SFMBT1: variants seen among roughly 807,000 people sequenced by gnomAD.
SFMBT1 encodes Scm like with four mbt domains 1.
In SFMBT1, 32 loss-of-function variants were observed where a neutral mutation model predicts 108.7. The observed-to-expected ratio is 0.29, with a 90% CI of 0.22 to 0.40. The LOEUF is 0.40. Among genes scored for constraint, SFMBT1 ranks in the 10% least tolerant of loss-of-function variants. The pLI, the probability that SFMBT1 is intolerant of heterozygous loss-of-function variation, is 1.00. For missense variants in SFMBT1, 816 were observed against 1,059.6 expected, an observed-to-expected ratio of 0.77 and a Z score of 3.19; for synonymous variants, 348 against 369.5, an observed-to-expected ratio of 0.94 and a Z score of 0.67.
At chr3:52,990,672 G>A (rs187865524) in intron 1 of SFMBT1, among the ~76,000 whole-genome samples, 1 of 152,036 alleles carries the variant, frequency 6.6e-6, no homozygotes, top group African/African-American at 2.4e-5. Context: ...AAGAAAGAGA[G>A]GAAAGGGAGG....
intron 5 of SFMBT1, among the ~76,000 whole-genome samples, chr3:52,932,559 T>C (rs1702889904): frequency 6.6e-6 from 1 of 152,212 alleles, no homozygotes; most frequent in Non-Finnish European, 1.5e-5. Context: ...TCTAGGACTA[T>C]GTTATGTAGT....
intron 1 of SFMBT1, among the ~76,000 whole-genome samples, chr3:52,988,804 A>T (rs1197188837): frequency 6.6e-6 from 1 of 152,234 alleles, no homozygotes; most frequent in Non-Finnish European, 1.5e-5. Flanking sequence ...ATCTAAACAG[A>T]CTTATATGCA....
At chr3:53,011,298 C>G (rs1698934991) in intron 1 of SFMBT1, among the ~76,000 whole-genome samples, 1 of 152,108 alleles carries the variant, frequency 6.6e-6, no homozygotes, top group Admixed American at 6.6e-5. Flanking sequence ...AGGCTGGCAT[C>G]AGGCTGGCAT....
At chr3:52,950,009 T>C (rs1029001785) in intron 3 of SFMBT1, among the ~76,000 whole-genome samples, 1 of 152,170 alleles carries the variant, frequency 6.6e-6, no homozygotes, top group Non-Finnish European at 1.5e-5. Flanking sequence ...GCTTTTATTA[T>C]AGACAACATA....
rs185857156 is a variant in SFMBT1, at chr3:53,007,862, C to T, written c.-131+37954G>A. Among the ~76,000 whole-genome samples, 1,871 of 152,080 alleles carry T rather than the reference C, an allele frequency of 0.012. 129 individuals carry two copies. In the South Asian group the frequency reaches 0.18, roughly 15 times the overall value. On this transcript the variant is annotated intron_variant, in intron 1 of 20. Transcript: ENST00000394752. ...GCAATGAGACATAACATCATTTCTG[C>T]CATATTTCTGCCAAAGATACGCAAC...
chr3:52,920,555 T>G lies in SFMBT1; in HGVS notation c.1354A>C (p.Thr452Pro), dbSNP rs1330540210. The change falls in exon 12 of 21, where the codon ACT becomes CCT. Residue 452 changes from threonine to proline, a missense_variant. Transcript: ENST00000394752. ...WCETNGHPLS[T>P]PRRARVYKQR... is the part of the protein sequence containing the mutation. ...CAGATACCTCGTGCTCGGCGAGGAG[T>G]GCTGAGGGGGTGGCCGTTGGTTTCA... is the stretch of plus-strand genomic sequence containing the variant. 1.5e-5 allele frequency: 25 copies of G among 1,613,278 alleles called. No homozygotes were observed. The highest frequency in any genetic ancestry group is 2.1e-5 in the Non-Finnish European group (25 of 1,179,644).
chr3:53,030,682 G>GC (rs1699653503), intron 1 of SFMBT1, among the ~76,000 whole-genome samples: 1 of 16,188 alleles, frequency 6.2e-5, no homozygotes, highest in Non-Finnish European at 1.3e-4. Context: ...TGGCCATAAT[G>GC]CAAAAAAAAA....
intron 1 of SFMBT1, among the ~76,000 whole-genome samples, chr3:52,974,278 G>A (rs1053321067): frequency 6.6e-6 from 1 of 152,174 alleles, no homozygotes; most frequent in African/African-American, 2.4e-5. Flanking sequence ...ATAATTTCGA[G>A]TATGTTGTTA....
chr3:52,926,015 C>A lies in SFMBT1; in HGVS notation c.1131+16G>T. The A allele has an allele frequency of 6.2e-7, 1 of 1,605,002 alleles. No homozygotes were observed. Among genetic ancestry groups the A allele is most frequent in the Non-Finnish European group, 8.5e-7 (1 of 1,176,374 alleles). On this transcript the variant is annotated intron_variant, in intron 10 of 20. Coordinates refer to ENST00000394752, the MANE Select transcript of SFMBT1 (RefSeq NM_016329.4). ...CAGCCCTGCCATAGTGGCCATGAGG[C>A]CGTGGGGGTCCTCACCGGAGGGAAG...
At chr3:52,916,678 A>AAAC (rs892386307) in intron 13 of SFMBT1, among the ~76,000 whole-genome samples, 56 of 151,568 alleles carry the variant, frequency 3.7e-4, no homozygotes, top group African/African-American at 7.0e-4. Context: ...CAAAAAAACC[A>AAAC]AACAACAACA....
intron 3 of SFMBT1, among the ~76,000 whole-genome samples, chr3:52,953,197 AG>A (rs1222246432): frequency 6.6e-6 from 1 of 152,200 alleles, no homozygotes; most frequent in African/African-American, 2.4e-5. Context: ...TGGGCACAGT[AG>A]CTCACGCCTG....
At chr3:52,919,811 C>T (rs1702465693) in intron 12 of SFMBT1, among the ~76,000 whole-genome samples, 2 of 152,204 alleles carry the variant, frequency 1.3e-5, no homozygotes, top group Admixed American at 1.3e-4. Flanking sequence ...CAGCAAGGAG[C>T]TCAGGCCCTC....
At chr3:53,014,440 C>T (rs1250397043) in intron 1 of SFMBT1, among the ~76,000 whole-genome samples, 3 of 151,606 alleles carry the variant, frequency 2.0e-5, no homozygotes, top group East Asian at 1.9e-4. Flanking sequence ...ACTGCACTCC[C>T]GCCTGGGTGA....
In SFMBT1 at chr3:53,045,829, T is replaced by TCG. The variant is rs1424848065; in HGVS notation, c.-146_-145dup. 3 of 149,106 alleles carry TCG rather than the reference T, an allele frequency of 2.0e-5. No individual in the cohort carries two copies. Among genetic ancestry groups the TCG allele is most frequent in the Non-Finnish European group, 4.5e-5 (3 of 67,140 alleles). 9.2% of individuals were successfully genotyped at this position (149,106 alleles called of 1,614,324 possible). On this transcript the variant is annotated 5_prime_UTR_variant, in exon 1 of 21. The change abolishes the stop of an existing upstream ORF in the 5' untranslated region. Coordinates refer to ENST00000394752, the MANE Select transcript of SFMBT1 (RefSeq NM_016329.4). ...CCGCTTTTTTACCTGCCCGGAGTTT[T>TCG]CGCGCGCGCGCTCGCTCGATCGCTC...
chr3:52,979,204 G>C (rs1004830268), intron 1 of SFMBT1, among the ~76,000 whole-genome samples: 19 of 151,778 alleles, frequency 1.3e-4, no homozygotes, highest in Non-Finnish European at 2.1e-4. Flanking sequence ...AAAAAAAAGA[G>C]ACAAGATATC....
intron 1 of SFMBT1, among the ~76,000 whole-genome samples, chr3:53,024,324 CTAGT>C: frequency 6.6e-6 from 1 of 152,260 alleles, no homozygotes; most frequent in East Asian, 1.9e-4. Flanking sequence ...GGTAAGGGAG[CTAGT>C]TACTCACATA....
chr3:52,918,651 G>GC, intron 12 of SFMBT1, 125 bp from the exon 13 acceptor site: 1 of 456,656 alleles, frequency 2.2e-6, no homozygotes. Context: ...GTGTATATAT[G>GC]TGTGTGTGTA....
chr3:52,921,339 T>C (rs964178520), intron 11 of SFMBT1, among the ~76,000 whole-genome samples: 4 of 152,194 alleles, frequency 2.6e-5, no homozygotes, highest in African/African-American at 7.2e-5. Context: ...CTACTCTATA[T>C]ACTTTTTGGT....
At chr3:53,009,325 G>C (rs1698864115) in intron 1 of SFMBT1, among the ~76,000 whole-genome samples, 1 of 152,050 alleles carries the variant, frequency 6.6e-6, no homozygotes, top group East Asian at 1.9e-4. Context: ...ACATATGCCT[G>C]TAATCTCAGC....
Sources: allele counts gnomAD v4.1 joint callset (sites outside exome capture counted in the v4.1 genomes callset), GRCh38; gene constraint gnomAD v4.1.1; transcripts MANE v1.5; gene names NCBI Gene and HGNC (gene_info 2026-07-23, HGNC 2026-07-21).